The following ROBO2 variants were observed in gnomAD, a reference collection of about 807,000 sequenced individuals.
ROBO2 encodes roundabout guidance receptor 2, also known as roundabout homolog 2.
Under a neutral mutation model 160.8 loss-of-function variants are expected in ROBO2, and 53 were observed. That is an observed-to-expected ratio of 0.33 (90% CI 0.26 to 0.41). The LOEUF (loss-of-function observed/expected upper bound fraction) is 0.41, where lower values mean the gene tolerates loss of function less well. ROBO2 is among the 10% of genes least tolerant of loss of function. The pLI, the probability that ROBO2 is intolerant of heterozygous loss-of-function variation, is 1.00. For synonymous variants in ROBO2, 664 were observed against 611.7 expected, an observed-to-expected ratio of 1.09 and a Z score of -1.26; for missense variants, 1,577 against 1,722.4, an observed-to-expected ratio of 0.92 and a Z score of 1.49.
intron 1 of ROBO2, among the ~76,000 whole-genome samples, chr3:77,048,856 C>T (rs772660873): frequency 1.3e-5 from 2 of 152,174 alleles, no homozygotes; most frequent in Non-Finnish European, 2.9e-5. Context: ...CTCTGGACTG[C>T]ACTGTTAGCT....
intron 2 of ROBO2, among the ~76,000 whole-genome samples, chr3:76,330,961 G>T (rs1216459644): frequency 6.6e-6 from 1 of 152,112 alleles, no homozygotes; most frequent in Non-Finnish European, 1.5e-5. Context: ...TGCTAAATGT[G>T]CTCTATCTAA....
At chr3:77,215,700 T>C (rs570425160) in intron 2 of ROBO2, among the ~76,000 whole-genome samples, 190 of 152,274 alleles carry the variant, frequency 1.2e-3, no homozygotes, top group Middle Eastern at 6.8e-3. Flanking sequence ...TTTTTCCCCA[T>C]CTTTGTGGTT....
chr3:76,989,146 T>C (rs1055427764), intron 2 of ROBO2, among the ~76,000 whole-genome samples: 4 of 152,170 alleles, frequency 2.6e-5, no homozygotes, highest in African/African-American at 9.6e-5. Flanking sequence ...GAAACTCATT[T>C]AACATGAAAC....
intron 2 of ROBO2, among the ~76,000 whole-genome samples, chr3:76,308,470 T>C (rs537149834): frequency 6.3e-4 from 96 of 152,116 alleles, no homozygotes; most frequent in African/African-American, 2.1e-3. Context: ...AATGAGTTGA[T>C]GAATGCAAAG....
chr3:76,227,472 T>C (rs570354050), intron 2 of ROBO2, among the ~76,000 whole-genome samples: 249 of 152,322 alleles, frequency 1.6e-3, no homozygotes, highest in African/African-American at 5.8e-3. Flanking sequence ...AATCTTACGA[T>C]AGTTAATAAC....
chr3:77,530,435 G>A (rs979850156), intron 6 of ROBO2, among the ~76,000 whole-genome samples: 1 of 151,908 alleles, frequency 6.6e-6, no homozygotes. Context: ...TGACTCTTGT[G>A]CGATGCATTT....
At chr3:76,481,622 A>T (rs2079212292) in intron 2 of ROBO2, among the ~76,000 whole-genome samples, 1 of 152,124 alleles carries the variant, frequency 6.6e-6, no homozygotes, top group Admixed American at 6.6e-5. Flanking sequence ...ATCATCTGGG[A>T]GCTGGTTAGA....
intron 5 of ROBO2, among the ~76,000 whole-genome samples, chr3:77,514,848 C>T (rs2089829555): frequency 6.6e-6 from 1 of 151,600 alleles, no homozygotes; most frequent in African/African-American, 2.4e-5. Context: ...TCTGTTAGAC[C>T]TGGGAAAATA....
chr3:77,060,950 T>A (rs554869877), intron 1 of ROBO2, among the ~76,000 whole-genome samples: 60 of 151,700 alleles, frequency 4.0e-4, no homozygotes, highest in African/African-American at 1.4e-3. Context: ...TTTTTTTTTT[T>A]AAAGAGACAG....
intron 2 of ROBO2, among the ~76,000 whole-genome samples, chr3:76,592,388 T>C (rs1215136116): frequency 6.6e-6 from 1 of 152,062 alleles, no homozygotes; most frequent in Non-Finnish European, 1.5e-5. Flanking sequence ...CCTAGACAGA[T>C]GCTCAAAAAC....
intron 2 of ROBO2, among the ~76,000 whole-genome samples, chr3:76,416,403 G>T (rs3849489): frequency 0.53 from 80,926 of 151,726 alleles, 21,671 homozygotes; most frequent in Non-Finnish European, 0.55. Context: ...TGCCTTTATT[G>T]AACATTAAAA....
Position 77,635,046 on chromosome 3 carries a change from A to G in ROBO2, c.3934+3A>G. ...TCGAAGGGAAGGAATGACAGATGGT[A>G]GGTTTCTTCCCTTTACTCTTGTTTC... is the stretch of plus-strand genomic sequence containing the variant. On this transcript the variant is annotated splice_donor_region_variant and intron_variant, in intron 24 of 25. Transcript: ENST00000461745. The G allele has an allele frequency of 6.2e-7, 1 of 1,614,034 alleles. No individual in the cohort carries two copies. Among genetic ancestry groups the G allele is most frequent in the South Asian group, 1.1e-5 (1 of 91,072 alleles).
Position 76,212,364 on chromosome 3 carries a change from A to G in ROBO2, c.109+274762A>G, listed in dbSNP as rs186323818. On this transcript the variant is annotated intron_variant, in intron 2 of 26. Transcript: ENST00000487694. ...ATTTATTTTTGATATTAGAATTTCT[A>G]TTTTGTTTATTAAAAGAGGGACAGG... is the stretch of plus-strand genomic sequence containing the variant. Among the ~76,000 whole-genome samples the G allele has an allele frequency of 5.7e-3, 869 of 152,108 alleles. 4 individuals are homozygous for G. The highest frequency in any genetic ancestry group is 0.011 in the Non-Finnish European group (728 of 67,906).
chr3:77,596,565 A>G, intron 18 of ROBO2, 58 bp from the exon 20 acceptor site: 2 of 1,604,314 alleles, frequency 1.2e-6, no homozygotes, highest in Non-Finnish European at 1.7e-6. Context: ...GCATGAGACG[A>G]GTGTCAAAAT....
chr3:77,571,921 T>C (rs2093646827), intron 13 of ROBO2, among the ~76,000 whole-genome samples: 1 of 151,624 alleles, frequency 6.6e-6, no homozygotes, highest in Non-Finnish European at 1.5e-5. Flanking sequence ...AAAAATGCAT[T>C]GCCACTGCAC....
chr3:77,648,612 G>C (rs1189408062), exon 26 of ROBO2: 1 of 152,114 alleles, frequency 6.6e-6, no homozygotes, highest in Non-Finnish European at 1.5e-5. Flanking sequence ...ATCACCCTCA[G>C]GTAGATTGAG....
At chr3:76,099,047 C>T (rs1251601064) in intron 2 of ROBO2, among the ~76,000 whole-genome samples, 1 of 152,070 alleles carries the variant, frequency 6.6e-6, no homozygotes, top group African/African-American at 2.4e-5. Context: ...ATTTTTCATC[C>T]AGCATCCAGT....
At chr3:77,352,197 C>T (rs28555379) in intron 2 of ROBO2, among the ~76,000 whole-genome samples, 47,293 of 148,508 alleles carry the variant, frequency 0.32, 7,967 homozygotes, top group Non-Finnish European at 0.38. Context: ...ACTACAGAAA[C>T]ACATAATGAA....
At chr3:77,453,816 G>T (rs2081348142) in intron 2 of ROBO2, among the ~76,000 whole-genome samples, 1 of 152,026 alleles carries the variant, frequency 6.6e-6, no homozygotes, top group South Asian at 2.1e-4. Flanking sequence ...GCAATTATGG[G>T]ATTAATTTTT....
Sources: gnomAD v4.1 joint callset for allele counts (sites outside exome capture counted in the v4.1 genomes callset) on GRCh38, gnomAD v4.1.1 for gene constraint, MANE v1.5 for transcripts, NCBI Gene and HGNC (gene_info 2026-07-23, HGNC 2026-07-21) for gene names.